Variants in KNTC1 observed in about 807,000 individuals in gnomAD.
KNTC1 encodes kinetochore-associated protein 1.
In KNTC1, 253 loss-of-function variants were observed where a neutral mutation model predicts 314.4. That is an observed-to-expected ratio of 0.80 (90% CI 0.73 to 0.89). The LOEUF is 0.89. Among genes scored for constraint, KNTC1 ranks in the 40% least tolerant of loss-of-function variants. The pLI is 0.00. For missense variants in KNTC1, 2,475 were observed against 2,572.9 expected (o/e 0.96, Z 0.82); for synonymous variants, 901 against 901.4 (o/e 1.00, Z 0.01).
intron 55 of KNTC1, among the ~76,000 whole-genome samples, chr12:122,614,765 C>T (rs1050025537): frequency 6.6e-6 from 1 of 151,888 alleles, no homozygotes; most frequent in Non-Finnish European, 1.5e-5. Context: ...CCTGTAATCC[C>T]AGCTACTCGG....
chr12:122,594,506 T>C, intron 43 of KNTC1, 121 bp downstream of exon 43: 1 of 626,012 alleles, frequency 1.6e-6, no homozygotes, highest in Non-Finnish European at 2.8e-6. Flanking sequence ...CTTTTGCTCA[T>C]TCCCAAACTG....
At chr12:122,561,815 A>G in intron 18 of KNTC1, 106 bp from the exon 19 acceptor site, 1 of 828,576 alleles carries the variant, frequency 1.2e-6, no homozygotes, top group African/African-American at 1.7e-5. Context: ...TCACACTTAA[A>G]TGCAATTTAT....
chr12:122,584,123 C>CA (rs891937893), intron 34 of KNTC1, among the ~76,000 whole-genome samples, 155 bp from the exon 35 acceptor site: 4 of 151,458 alleles, frequency 2.6e-5, no homozygotes, highest in Admixed American at 6.6e-5. Context: ...GAGCCTGTCT[C>CA]AAAAAAACAA....
At position 122,584,391 on chromosome 12, in the gene KNTC1, T is replaced by C; in HGVS notation, c.3377T>C (p.Leu1126Pro). 1 of 1,613,492 alleles carries C rather than the reference T, an allele frequency of 6.2e-7. No homozygotes were observed. The highest frequency in any genetic ancestry group is 8.5e-7 in the Non-Finnish European group (1 of 1,179,548). ...GTCCCAGTGACAGTGCCTGTGGGAC[T>C]GAATCTTCCTTCCATGATACATGAT... ...DNVPVTVPVG[L>P]NLPSMIHDLA... The change falls in exon 35 of 64, where the codon CTG (leucine) becomes CCG (proline). Residue 1126 changes from leucine to proline, a missense_variant. Coordinates refer to ENST00000333479, the MANE Select transcript of KNTC1 (RefSeq NM_014708.6).
rs1011749393 is a variant in KNTC1 at position 122,546,182 on chromosome 12, G to A, written c.676G>A (p.Gly226Ser). 3.7e-6 allele frequency: 6 copies of A among 1,602,782 alleles called. No homozygotes were observed. Among genetic ancestry groups the A allele is most frequent in the Middle Eastern group, 1.7e-4 (1 of 6,036 alleles). ...SEVPVIIGGTGNCAFSKWEPD... is the reference protein window; with the variant it reads ...SEVPVIIGGTSNCAFSKWEPD... ...ACTGTGTTCATTTTTCCAGGGAACC[G>A]GTAATTGTGCATTCTCAAAATGGGA... The change falls in exon 9 of 64, where the codon GGT becomes AGT. Residue 226 changes from glycine to serine, a missense_variant. Gly to Ser is a moderately conservative substitution (Grantham distance 56). Transcript: ENST00000333479.
intron 16 of KNTC1, among the ~76,000 whole-genome samples, chr12:122,552,630 T>G (rs542765326): frequency 3.3e-5 from 5 of 152,130 alleles, no homozygotes; most frequent in Non-Finnish European, 5.9e-5. Flanking sequence ...TCCCAAAGTT[T>G]TGAGATTACA....
In KNTC1 at chr12:122,573,130, T is replaced by C. The variant is rs1964804001; in HGVS notation, c.2140-12T>C. ...GAGTCTGTATTTATTCCATCTTTCTTTTGGCATCCAGGAAAATACAACCAC... is the reference window on the plus strand; with the variant it reads ...GAGTCTGTATTTATTCCATCTTTCTCTTGGCATCCAGGAAAATACAACCAC... On this transcript the variant is annotated splice_polypyrimidine_tract_variant and intron_variant, in intron 25 of 63. Coordinates refer to ENST00000333479, the MANE Select transcript of KNTC1 (RefSeq NM_014708.6). 3 of 1,613,678 alleles carry C rather than the reference T, an allele frequency of 1.9e-6. No individual in the cohort carries two copies. Among genetic ancestry groups the C allele is most frequent in the Admixed American group, 3.3e-5 (2 of 59,958 alleles).
At chr12:122,581,710 G>T (rs1593602595) in intron 33 of KNTC1, among the ~76,000 whole-genome samples, 1 of 151,908 alleles carries the variant, frequency 6.6e-6, no homozygotes, top group East Asian at 1.9e-4. Flanking sequence ...TGCCAGGCTG[G>T]TCTCAAACTC....
Position 122,620,576 on chromosome 12 carries a change from C to T in KNTC1, c.6247C>T (p.Pro2083Ser), listed in dbSNP as rs756158800. Residue 2083 changes from proline (P) to serine (S), a missense_variant, in exon 60 of 64, where the codon CCC becomes TCC. Pro to Ser is a moderately conservative substitution (Grantham distance 74, BLOSUM62 -1). Coordinates refer to ENST00000333479, the MANE Select transcript of KNTC1 (RefSeq NM_014708.6). Reference protein sequence around the residue: ...AFALACLMLMPHSEKRHQQIK... With the variant: ...AFALACLMLMSHSEKRHQQIK... ...TGCATTAGCTTGTCTGATGCTCATG[C>T]CCCACTCAGAGAAAAGACACCAGCA... is the stretch of plus-strand genomic sequence containing the variant. 6.2e-7 allele frequency: 1 copy of T among 1,613,460 alleles called. No individual in the cohort carries two copies. The highest frequency in any genetic ancestry group is 1.1e-5 in the South Asian group (1 of 91,014).
chr12:122,545,318 C>T (rs11058649), intron 8 of KNTC1, among the ~76,000 whole-genome samples: 48,388 of 151,870 alleles, frequency 0.32, 8,931 homozygotes, highest in African/African-American at 0.5. Context: ...AGAAGAATTG[C>T]GTGAGCCCAG....
At chr12:122,584,837 C>T in intron 35 of KNTC1, 56 bp from the exon 36 acceptor site, 4 of 906,550 alleles carry the variant, frequency 4.4e-6, no homozygotes, top group Non-Finnish European at 7.0e-6. Context: ...AGGTTGTTTT[C>T]ATTATCCTAA....
At chr12:122,582,014 A>T (rs1397920495) in intron 33 of KNTC1, among the ~76,000 whole-genome samples, 1 of 152,134 alleles carries the variant, frequency 6.6e-6, no homozygotes, top group Admixed American at 6.5e-5. Context: ...TGTCGCTGTG[A>T]ATTTGCTTAT....
chr12:122,599,818 G>T (rs139120650), intron 44 of KNTC1, among the ~76,000 whole-genome samples: 1 of 152,048 alleles, frequency 6.6e-6, no homozygotes, highest in African/African-American at 2.4e-5. Flanking sequence ...TAAAAAATAG[G>T]CCAGCCTGGG....
chr12:122,574,801 A>G (rs1165056545), intron 27 of KNTC1, among the ~76,000 whole-genome samples: 2 of 152,218 alleles, frequency 1.3e-5, no homozygotes, highest in Non-Finnish European at 2.9e-5. Flanking sequence ...TTGTATGCAT[A>G]TCTTTGCAGG....
intron 40 of KNTC1, among the ~76,000 whole-genome samples, chr12:122,590,033 C>G (rs912181121): frequency 2.0e-5 from 3 of 151,964 alleles, no homozygotes; most frequent in African/African-American, 4.8e-5. Flanking sequence ...ATCCACCCTC[C>G]TCGGCCTCCC....
chr12:122,623,410 G>C (rs1874647998), intron 62 of KNTC1, among the ~76,000 whole-genome samples: 1 of 152,182 alleles, frequency 6.6e-6, no homozygotes, highest in Non-Finnish European at 1.5e-5. Flanking sequence ...ATGTGGTCTA[G>C]CCATGTTGGC....
intron 20 of KNTC1, among the ~76,000 whole-genome samples, chr12:122,567,593 C>G (rs938622615): frequency 6.6e-6 from 1 of 151,950 alleles, no homozygotes; most frequent in Non-Finnish European, 1.5e-5. Flanking sequence ...AATCGCAACA[C>G]TTTGGGAGGC....
chr12:122,587,642 C>T, intron 38 of KNTC1, 69 bp from the exon 39 acceptor site: 2 of 1,281,920 alleles, frequency 1.6e-6, no homozygotes, highest in Non-Finnish European at 2.1e-6. Context: ...TCCCTGAAAA[C>T]AGTTTTCAAT....
intron 31 of KNTC1, among the ~76,000 whole-genome samples, chr12:122,578,189 GAGAGTTTAC>G (rs1266609138): frequency 6.6e-6 from 1 of 152,152 alleles, no homozygotes; most frequent in Non-Finnish European, 1.5e-5. Context: ...ATGGTTTTAA[GAGAGTTTAC>G]TTTTTTGCAG....
Sources: gnomAD v4.1 joint callset for allele counts (sites outside exome capture counted in the v4.1 genomes callset) on GRCh38, gnomAD v4.1.1 for gene constraint, MANE v1.5 for transcripts, NCBI Gene and HGNC (gene_info 2026-07-23, HGNC 2026-07-21) for gene names.